Variants in HEATR5A observed in about 807,000 individuals in gnomAD.
The protein encoded by HEATR5A is HEAT repeat-containing protein 5A.
A neutral mutation model predicts 218.8 loss-of-function variants in HEATR5A; 178 were observed. That is an observed-to-expected ratio of 0.81 (90% CI 0.72 to 0.92). The LOEUF is 0.92. HEATR5A is among the 40% of genes least tolerant of loss of function. The probability of loss-of-function intolerance (pLI) is 0.00; values close to 1 mark genes in which losing one functional copy is unlikely to be tolerated. For missense variants in HEATR5A, 2,420 were observed against 2,418.9 expected, an observed-to-expected ratio of 1.00 and a Z score of -0.01; for synonymous variants, 864 against 871.6, an observed-to-expected ratio of 0.99 and a Z score of 0.15.
In HEATR5A at chr14:31,362,068, G is replaced by A. The variant is rs184216895; in HGVS notation, c.2071+2121C>T. On this transcript the variant is annotated intron_variant, in intron 14 of 35. Transcript: ENST00000543095. Reference sequence around the variant, plus strand: ...CAACCTTTGCCTCCCAGGTTCAAACGATTCTCCTGCCTCAGCCTCCTAAGT... The same window carrying A: ...CAACCTTTGCCTCCCAGGTTCAAACAATTCTCCTGCCTCAGCCTCCTAAGT... Among the ~76,000 whole-genome samples, 356 of 152,102 alleles carry A rather than the reference G, an allele frequency of 2.3e-3. 2 individuals carry two copies. Among genetic ancestry groups the A allele is most frequent in the African/African-American group, 7.8e-3 (325 of 41,486 alleles).
rs1900172048 is a variant in HEATR5A, at chr14:31,323,492, T to G, written c.3787+73A>C. 5 of 1,206,220 alleles carry G rather than the reference T, an allele frequency of 4.1e-6. No homozygotes were observed. The East Asian group carries it at 1.4e-4, about 33-fold the overall frequency. The allele number at this position is 1,206,220 out of a possible 1,614,324, so 74.7% of individuals were successfully genotyped here. A position where few individuals can be genotyped will look rare whatever the true frequency, so the allele number is the denominator to read the frequency against. On this transcript the variant is annotated intron_variant, in intron 24 of 35. Coordinates refer to ENST00000543095, the MANE Select transcript of HEATR5A (RefSeq NM_015473.4). ...CATTTTAAAAAAATATTTTAATATT[T>G]TAAATATTAAAACCATAAGCAGACA...
chr14:31,369,663 C>T (rs1158315013), intron 13 of HEATR5A, among the ~76,000 whole-genome samples: 2 of 141,174 alleles, frequency 1.4e-5, no homozygotes, highest in Non-Finnish European at 3.0e-5. Context: ...CGCAGTGGCT[C>T]ATGCCTGTAA....
At chr14:31,328,661 C>A (rs1900354899) in intron 22 of HEATR5A, among the ~76,000 whole-genome samples, 1 of 152,086 alleles carries the variant, frequency 6.6e-6, no homozygotes, top group South Asian at 2.1e-4. Flanking sequence ...AGGTGGATCA[C>A]CTGAGGTCAG....
chr14:31,318,926 C>G (rs893865551), intron 25 of HEATR5A, among the ~76,000 whole-genome samples: 1 of 152,124 alleles, frequency 6.6e-6, no homozygotes, highest in African/African-American at 2.4e-5. Flanking sequence ...TTCTGAGGCC[C>G]TGGGTGCTAA....
intron 28 of HEATR5A, among the ~76,000 whole-genome samples, chr14:31,311,681 ATAT>A (rs1566749803): frequency 0.016 from 2,416 of 151,892 alleles, 56 homozygotes; most frequent in African/African-American, 0.056. Context: ...ATATATATAT[ATAT>A]AAAAAAGATT....
Position 31,294,030 on chromosome 14 carries a change from A to C in HEATR5A, c.5694T>G (p.Ile1898Met), listed in dbSNP as rs2139115981. 2 of 1,604,574 alleles carry C rather than the reference A, an allele frequency of 1.2e-6. No homozygotes were observed. Among genetic ancestry groups the C allele is most frequent in the South Asian group, 2.2e-5 (2 of 88,980 alleles). The change falls in exon 35 of 36, where the codon ATT (isoleucine) becomes ATG (methionine). Residue 1898 changes from isoleucine (I) to methionine (M), a missense_variant. Physicochemically the swap from Ile to Met is conservative, Grantham distance 10. Transcript: ENST00000543095. The part of the protein sequence containing the change: ...YPNPAVSYPY[I>M]YSLASCIMEK... ...CCATGATACAGGATGCTAAAGAGTA[A>C]ATGTATGGGTAGGAAACAGCTGGAT...
intron 16 of HEATR5A, among the ~76,000 whole-genome samples, chr14:31,356,711 C>T (rs1179482153): frequency 6.6e-6 from 1 of 152,106 alleles, no homozygotes; most frequent in African/African-American, 2.4e-5. Context: ...GATACAAAAA[C>T]TATGAGCACA....
rs144775617 is a variant in HEATR5A at position 31,414,073 on chromosome 14, T to C, written c.-75+6399A>G. ...GTACTAAAAGTATTAGTTTAGTCTT[T>C]GGCTATTCTTGACTATTTTTATTAT... On this transcript the variant is annotated intron_variant, in intron 1 of 35. Coordinates refer to ENST00000543095, the MANE Select transcript of HEATR5A (RefSeq NM_015473.4). 1.3e-3 allele frequency among the ~76,000 whole-genome samples: 197 copies of C among 152,360 alleles called. No homozygotes were observed. The Middle Eastern group carries it at 0.014, about 11-fold the overall frequency.
At chr14:31,296,166 A>T in intron 33 of HEATR5A, 103 bp from the exon 34 acceptor site, 2 of 818,980 alleles carry the variant, frequency 2.4e-6, no homozygotes, top group East Asian at 2.7e-5. Flanking sequence ...TACACAACAG[A>T]TACACACAAT....
chr14:31,349,609 T>C (rs1901145595), intron 18 of HEATR5A, among the ~76,000 whole-genome samples, 180 bp downstream of exon 18: 1 of 152,208 alleles, frequency 6.6e-6, no homozygotes, highest in South Asian at 2.1e-4. Context: ...ATAGTAGTTG[T>C]TTTATGTGCC....
chr14:31,315,674 ATTTGT>A, intron 27 of HEATR5A, 91 bp downstream of exon 27: 5 of 836,452 alleles, frequency 6.0e-6, no homozygotes, highest in Non-Finnish European at 9.1e-6. Flanking sequence ...AAATGAACTT[ATTTGT>A]AGTTCATTTT....
intron 6 of HEATR5A, among the ~76,000 whole-genome samples, chr14:31,390,864 A>G (rs770442158): frequency 4.6e-5 from 7 of 152,202 alleles, no homozygotes; most frequent in Non-Finnish European, 1.0e-4. Flanking sequence ...ATAAAAAGTT[A>G]ACTACAAAAC....
intron 22 of HEATR5A, among the ~76,000 whole-genome samples, chr14:31,335,727 C>T (rs894854310): frequency 6.6e-6 from 1 of 152,268 alleles, no homozygotes; most frequent in African/African-American, 2.4e-5. Context: ...AATTTCGGCC[C>T]ACTACAACCT....
At chr14:31,359,269 A>G (rs1901531156) in intron 14 of HEATR5A, among the ~76,000 whole-genome samples, 1 of 142,434 alleles carries the variant, frequency 7.0e-6, no homozygotes, top group Non-Finnish European at 1.5e-5. Flanking sequence ...ATACTAAAAG[A>G]ACATCTCAAA....
chr14:31,338,166 C>T (rs74043929), intron 21 of HEATR5A, among the ~76,000 whole-genome samples: 4,982 of 152,204 alleles, frequency 0.033, 253 homozygotes, highest in African/African-American at 0.11. Context: ...TCGTTTGTAA[C>T]ACTACTGCAT....
intron 9 of HEATR5A, 135 bp downstream of exon 9, chr14:31,386,285 T>C: frequency 1.5e-6 from 1 of 656,268 alleles, no homozygotes; most frequent in Non-Finnish European, 2.4e-6. Flanking sequence ...TTAATAATCC[T>C]GATTATAAAT....
chr14:31,419,439 T>G (rs1267748754), intron 1 of HEATR5A, among the ~76,000 whole-genome samples: 1 of 151,940 alleles, frequency 6.6e-6, no homozygotes, highest in Non-Finnish European at 1.5e-5. Flanking sequence ...CTAACCACAC[T>G]TCTGCTTTCC....
intron 13 of HEATR5A, among the ~76,000 whole-genome samples, chr14:31,370,010 C>T (rs1262041410): frequency 1.3e-5 from 2 of 149,840 alleles, no homozygotes; most frequent in Non-Finnish European, 3.0e-5. Context: ...AGGCGGATAA[C>T]GGTCAGGAGA....
At chr14:31,371,947 A>C in intron 12 of HEATR5A, 38 bp from the exon 13 acceptor site, 2 of 992,220 alleles carry the variant, frequency 2.0e-6, no homozygotes, top group Non-Finnish European at 1.5e-6. Context: ...GGCATACTGT[A>C]ATCAACCATG....
Sources: gnomAD v4.1 joint callset for allele counts (sites outside exome capture counted in the v4.1 genomes callset) on GRCh38, gnomAD v4.1.1 for gene constraint, MANE v1.5 for transcripts, NCBI Gene and HGNC (gene_info 2026-07-23, HGNC 2026-07-21) for gene names.